Variants in ZNF821 observed in about 807,000 individuals in gnomAD.
ZNF821 encodes the protein zinc finger protein 821.
In ZNF821, 16 loss-of-function variants were observed where a neutral mutation model predicts 44.3. That is an observed-to-expected ratio of 0.36 (90% CI 0.24 to 0.55). ZNF821 has a LOEUF of 0.55. ZNF821 is among the 20% of genes least tolerant of loss of function. ZNF821 has a pLI of 0.86. For synonymous variants in ZNF821, 204 were observed against 197.6 expected, an observed-to-expected ratio of 1.03 and a Z score of -0.27; for missense variants, 436 against 547.6, an observed-to-expected ratio of 0.80 and a Z score of 2.03.
At position 71,880,038 on chromosome 16, in the gene ZNF821, G is replaced by T. The variant is rs536139117; in HGVS notation, c.-77-15C>A. The T allele has an allele frequency of 5.6e-6, 7 of 1,255,434 alleles. No homozygotes were observed. The highest frequency in any genetic ancestry group is 7.8e-6 in the Non-Finnish European group (7 of 891,888). The allele number at this position is 1,255,434 out of a possible 1,614,324, so 77.8% of individuals were successfully genotyped here. A position where few individuals can be genotyped will look rare whatever the true frequency, so the allele number is the denominator to read the frequency against. On this transcript the variant is annotated splice_polypyrimidine_tract_variant and intron_variant, in intron 2 of 7. Coordinates refer to ENST00000425432, the MANE Select transcript of ZNF821 (RefSeq NM_001201552.2). ...AAGATGCTAACCTGCAATAAAAAAGGTTATTGTTAGCACATGTCATTTTCC... is the reference window on the plus strand; with the variant it reads ...AAGATGCTAACCTGCAATAAAAAAGTTTATTGTTAGCACATGTCATTTTCC...
rs2033721560 is a variant in ZNF821 at position 71,860,501 on chromosome 16, A to C, written c.756T>G (p.Thr252=). 5.6e-6 allele frequency: 9 copies of C among 1,614,078 alleles called. No homozygotes were observed. The Admixed American group carries it at 1.5e-4, about 27-fold the overall frequency. ...AAYRKLLEAQ[T]PSVRKWALRR... is the part of the protein sequence containing the mutation. Reference sequence around the variant, plus strand: ...GTAGAGCCCACTTGCGTACACTGGGAGTCTGGGCTTCCAGCAGTTTACGGT... The same window carrying C: ...GTAGAGCCCACTTGCGTACACTGGGCGTCTGGGCTTCCAGCAGTTTACGGT... Residue 252 remains threonine, a synonymous_variant, in exon 8 of 8, where the codon ACT becomes ACG. Coordinates refer to ENST00000425432, the MANE Select transcript of ZNF821 (RefSeq NM_001201552.2). The surrounding 1 kb of genome is among the most constrained non-coding windows in gnomAD (Gnocchi z 7.3).
chr16:71,875,320 C>T (rs1597178692), intron 3 of ZNF821, among the ~76,000 whole-genome samples: 1 of 152,088 alleles, frequency 6.6e-6, no homozygotes, highest in South Asian at 2.1e-4. Context: ...CTCACTCCGT[C>T]GCCCAGGCTG....
Position 71,867,805 on chromosome 16 carries a change from T to G in ZNF821, c.166+107A>C, listed in dbSNP as rs894601229. The G allele has an allele frequency of 1.4e-5, 20 of 1,421,276 alleles. No homozygotes were observed. The South Asian group carries it at 2.8e-4, about 20-fold the overall frequency. 88.0% of individuals were successfully genotyped at this position (1,421,276 alleles called of 1,614,324 possible). A position where few individuals can be genotyped will look rare whatever the true frequency, so the allele number is the denominator to read the frequency against. ...GGACACTGAGGATCCACATATCTCCTTTTTCATGTCTTTCTCCCAACCCCC... is the reference window on the plus strand; with the variant it reads ...GGACACTGAGGATCCACATATCTCCGTTTTCATGTCTTTCTCCCAACCCCC... On this transcript the variant is annotated intron_variant, in intron 4 of 7. Transcript: ENST00000425432.
Position 71,864,159 on chromosome 16 carries a change from C to T in ZNF821, c.396G>A (p.Gln132=), listed in dbSNP as rs537825415. The change falls in exon 6 of 8, where the codon CAG becomes CAA. Residue 132 remains glutamine, a synonymous_variant. Coordinates refer to ENST00000425432, the MANE Select transcript of ZNF821 (RefSeq NM_001201552.2). The part of the protein sequence containing the change: ...LCQLDCGSRE[Q]LIAHVYQHTA... ...ATACCTGGTACACGTGAGCAATCAA[C>T]TGCTCCCGGCTCCCGCAGTCTAGCT... The T allele has an allele frequency of 1.5e-5, 25 of 1,614,198 alleles. No individual in the cohort carries two copies. Among genetic ancestry groups the T allele is most frequent in the Non-Finnish European group, 1.9e-5 (23 of 1,180,004 alleles).
rs779843362 is a variant in ZNF821, at chr16:71,860,002, G to A, written c.*16C>T. On this transcript the variant is annotated 3_prime_UTR_variant, in exon 8 of 8. Coordinates refer to ENST00000425432, the MANE Select transcript of ZNF821 (RefSeq NM_001201552.2). The surrounding 1 kb of genome is among the most constrained non-coding windows in gnomAD (Gnocchi z 7.3). Reference sequence around the variant, plus strand: ...GGGTAGGTAGGTGGGAAGGAGGGCAGGCAGGAGGGTGTGGTTCAGTGCAGA... The same window carrying A: ...GGGTAGGTAGGTGGGAAGGAGGGCAAGCAGGAGGGTGTGGTTCAGTGCAGA... 1.3e-6 allele frequency: 2 copies of A among 1,559,100 alleles called. No homozygotes were observed. The highest frequency in any genetic ancestry group is 1.3e-5 in the African/African-American group (1 of 74,178).
chr16:71,866,860 T>C (rs564228795), intron 4 of ZNF821, among the ~76,000 whole-genome samples: 6 of 152,174 alleles, frequency 3.9e-5, no homozygotes, highest in Non-Finnish European at 7.3e-5. Flanking sequence ...GGTTGCAGAG[T>C]CCTCTCTCCA....
At chr16:71,890,525 G>C (rs1467616912) in intron 1 of ZNF821, 1 of 151,600 alleles carries the variant, frequency 6.6e-6, no homozygotes, top group Non-Finnish European at 1.5e-5. Context: ...GAGTAGCTGG[G>C]ATTACAGTGC....
Position 71,865,044 on chromosome 16 carries a change from G to T in ZNF821, c.171C>A (p.Asp57Glu). ...QLRDQDSSSS[D>E]SEGDEEETTQ... is the part of the protein sequence containing the mutation. ...TCGTCTCCTCTTCATCACCCTCACT[G>T]TCACCTGGAACACACAAACTGGTCA... The change falls in exon 5 of 8, where the codon GAC becomes GAA. Residue 57 changes from aspartate to glutamate, a missense_variant. By Grantham distance (45) the Asp-to-Glu change is conservative (BLOSUM62 2). Coordinates refer to ENST00000425432, the MANE Select transcript of ZNF821 (RefSeq NM_001201552.2). The T allele has an allele frequency of 1.2e-6, 2 of 1,614,166 alleles. No homozygotes were observed. Among genetic ancestry groups the T allele is most frequent in the Non-Finnish European group, 1.7e-6 (2 of 1,180,030 alleles).
At chr16:71,888,309 C>T (rs1479701855), upstream of ZNF821, among the ~76,000 whole-genome samples, 1 of 152,016 alleles carries the variant, frequency 6.6e-6, no homozygotes, top group African/African-American at 2.4e-5. Context: ...TTTTTTCCTT[C>T]ATTGCTTGTG....
In ZNF821 at chr16:71,890,083, A is replaced by G. The variant is rs531995301; in HGVS notation, n.448+4806T>C. Among the ~76,000 whole-genome samples the G allele has an allele frequency of 2.0e-5, 3 of 152,360 alleles. No homozygotes were observed. In the South Asian group the frequency reaches 6.2e-4, roughly 32 times the overall value. On this transcript the variant is annotated intron_variant and non_coding_transcript_variant, in intron 1 of 2. Transcript: ENST00000561700. ...TTGTAAACTGTAAAATGCCACAAAGATAAGTTAATATTTGTATATAGCCCT... is the reference window on the plus strand; with the variant it reads ...TTGTAAACTGTAAAATGCCACAAAGGTAAGTTAATATTTGTATATAGCCCT...
upstream of ZNF821, among the ~76,000 whole-genome samples, chr16:71,887,462 C>T (rs1021875907): frequency 2.0e-5 from 3 of 152,134 alleles, no homozygotes; most frequent in South Asian, 2.1e-4. Flanking sequence ...GAGGTTTCAC[C>T]GTGTTAGCCA....
At chr16:71,861,017 G>A (rs1288921923) in intron 7 of ZNF821, among the ~76,000 whole-genome samples, 7 of 152,088 alleles carry the variant, frequency 4.6e-5, no homozygotes, top group East Asian at 1.9e-4. Flanking sequence ...CACCACGCCC[G>A]GCTAATTTTT....
intron 3 of ZNF821, among the ~76,000 whole-genome samples, chr16:71,869,267 A>G (rs2034909254): frequency 6.6e-6 from 1 of 152,208 alleles, no homozygotes; most frequent in Non-Finnish European, 1.5e-5. Context: ...TAGAAAGGAA[A>G]GTACGCAGGC....
intron 3 of ZNF821, among the ~76,000 whole-genome samples, chr16:71,877,068 G>A (rs1214982603): frequency 6.6e-6 from 1 of 151,978 alleles, no homozygotes; most frequent in East Asian, 1.9e-4. Flanking sequence ...CATCCAACTC[G>A]TTCCGTTTTA....
intron 3 of ZNF821, among the ~76,000 whole-genome samples, chr16:71,875,697 C>T (rs1422362893): frequency 1.3e-5 from 2 of 152,044 alleles, no homozygotes; most frequent in African/African-American, 4.8e-5. Flanking sequence ...CTCCTGACCT[C>T]GTGATCCGCC....
intron 3 of ZNF821, among the ~76,000 whole-genome samples, chr16:71,872,143 T>C (rs2035269484): frequency 6.6e-6 from 1 of 152,042 alleles, no homozygotes; most frequent in African/African-American, 2.4e-5. Flanking sequence ...GTTAAGGTTT[T>C]TCAGACCAGA....
chr16:71,891,007 C>T (rs1048951416), intron 1 of ZNF821, among the ~76,000 whole-genome samples: 1 of 151,754 alleles, frequency 6.6e-6, no homozygotes, highest in Non-Finnish European at 1.5e-5. Context: ...ATCTCCTAAC[C>T]TCGTGATCCG....
In ZNF821 at chr16:71,878,791, G is replaced by A. The variant is rs117156009; in HGVS notation, c.40+1116C>T. On this transcript the variant is annotated intron_variant, in intron 3 of 7. Coordinates refer to ENST00000425432, the MANE Select transcript of ZNF821 (RefSeq NM_001201552.2). Reference sequence around the variant, plus strand: ...CTAAAAATACAAAAAAATTAGCTGGGCATGGTGGCGAGCACCTTAATCCCA... The same window carrying A: ...CTAAAAATACAAAAAAATTAGCTGGACATGGTGGCGAGCACCTTAATCCCA... Among the ~76,000 whole-genome samples, 18 of 152,090 alleles carry A rather than the reference G, an allele frequency of 1.2e-4. No individual in the cohort carries two copies. The East Asian group carries it at 3.5e-3, about 30-fold the overall frequency.
In ZNF821 at chr16:71,863,524, C is replaced by G. The variant is rs367599585; in HGVS notation, c.417+614G>C. Among the ~76,000 whole-genome samples the G allele has an allele frequency of 1.6e-4, 24 of 150,280 alleles. 1 individual carries two copies. The highest frequency in any genetic ancestry group is 1.0e-3 in the Admixed American group (15 of 14,996). ...ACCTCAGTCTTCCAAGTAACTGGTA[C>G]TACAGGTGCAAGCCACCATGCCCAA... On this transcript the variant is annotated intron_variant, in intron 6 of 7. Transcript: ENST00000425432.
Sources: allele counts gnomAD v4.1 joint callset (sites outside exome capture counted in the v4.1 genomes callset), GRCh38; gene constraint gnomAD v4.1.1; non-coding constraint Gnocchi (gnomAD v3.1); transcripts MANE v1.5; gene names NCBI Gene and HGNC (gene_info 2026-07-23, HGNC 2026-07-21).